MSL2: variants seen among roughly 807,000 people sequenced by gnomAD.
MSL2 encodes the protein E3 ubiquitin-protein ligase MSL2.
MSL2 carries 2 observed loss-of-function variants against 35.8 expected under a neutral mutation model. The observed-to-expected ratio is 0.06, with a 90% CI of 0.02 to 0.18. The LOEUF (loss-of-function observed/expected upper bound fraction) is 0.18. Among genes scored for constraint, MSL2 ranks in the 10% least tolerant of loss-of-function variants. The probability of loss-of-function intolerance (pLI) is 1.00; values close to 1 mark genes in which losing one functional copy is unlikely to be tolerated. For missense variants in MSL2, 523 were observed against 706.7 expected, an observed-to-expected ratio of 0.74 and a Z score of 2.95; for synonymous variants, 296 against 255.7, an observed-to-expected ratio of 1.16 and a Z score of -1.50.
chr3:136,166,062 TA>T (rs34420183), intron 1 of MSL2, among the ~76,000 whole-genome samples: 36,349 of 79,630 alleles, frequency 0.46, 7,028 homozygotes, highest in East Asian at 0.75. Context: ...TACGTACCAG[TA>T]AAAAAAAAAA....
chr3:136,183,022 A>AAT (rs1940412744), intron 1 of MSL2, among the ~76,000 whole-genome samples: 1 of 152,202 alleles, frequency 6.6e-6, no homozygotes, highest in African/African-American at 2.4e-5. Context: ...AAGCCTTGAA[A>AAT]GGATCAAACA....
At position 136,165,352 on chromosome 3, in the gene MSL2, C is replaced by T. The variant is rs567373801; in HGVS notation, c.143-12614G>A. 8.0e-4 allele frequency among the ~76,000 whole-genome samples: 122 copies of T among 152,270 alleles called. 1 individual carries two copies. The highest frequency in any genetic ancestry group is 2.9e-3 in the African/African-American group (120 of 41,556). The stretch of plus-strand genomic sequence containing the variant: ...CTAAACAAATAATGTGATATTGACC[C>T]TAAAAATATTCATTTTTGTGCCTCA... On this transcript the variant is annotated intron_variant, in intron 1 of 1. Coordinates refer to ENST00000309993, the MANE Select transcript of MSL2 (RefSeq NM_018133.4).
At chr3:136,178,310 G>A (rs891479295) in intron 1 of MSL2, among the ~76,000 whole-genome samples, 3 of 152,084 alleles carry the variant, frequency 2.0e-5, no homozygotes, top group African/African-American at 7.2e-5. Flanking sequence ...GATAATGTAG[G>A]CTGATTAATT....
chr3:136,193,502 GAAA>G (rs931248956), intron 1 of MSL2, among the ~76,000 whole-genome samples: 1 of 137,338 alleles, frequency 7.3e-6, no homozygotes, highest in Non-Finnish European at 1.6e-5. Flanking sequence ...CAAAGGAAAA[GAAA>G]AAAAAAAGTA....
At chr3:136,190,087 A>T (rs1300618575) in intron 1 of MSL2, among the ~76,000 whole-genome samples, 7 of 152,092 alleles carry the variant, frequency 4.6e-5, no homozygotes. Context: ...TCTCAAAAAT[A>T]AAAAATTACT....
rs368306125 is a variant in MSL2 at position 136,149,587 on chromosome 3, C to CAAAAAAAAAA, written c.*1550_*1559dup. 10 of 110,832 alleles carry CAAAAAAAAAA rather than the reference C, an allele frequency of 9.0e-5. No homozygotes were observed. The highest frequency in any genetic ancestry group is 1.1e-4 in the Non-Finnish European group (6 of 52,976). The allele number at this position is 110,832 out of a possible 1,614,324, so 6.9% of individuals were successfully genotyped here. On this transcript the variant is annotated 3_prime_UTR_variant, in exon 2 of 2. Transcript: ENST00000309993. ...CCACCCCCACCCCACCAAAAGAGACCAAAAAAAAAAAAAGAAAAAAAAGCC... is the reference window on the plus strand; with the variant it reads ...CCACCCCCACCCCACCAAAAGAGACCAAAAAAAAAAAAAAAAAAAAAAAGAAAAAAAAGCC...
At chr3:136,191,840 TGAAGAA>T (rs1330173519) in intron 1 of MSL2, among the ~76,000 whole-genome samples, 1 of 152,000 alleles carries the variant, frequency 6.6e-6, no homozygotes, top group Non-Finnish European at 1.5e-5. Context: ...GAAACAAACT[TGAAGAA>T]GATAAAGGCA....
chr3:136,157,298 G>A (rs1318036765), intron 1 of MSL2, among the ~76,000 whole-genome samples: 1 of 152,096 alleles, frequency 6.6e-6, no homozygotes, highest in Non-Finnish European at 1.5e-5. Context: ...CCTGAGGTCA[G>A]GAGTTCGACA....
At chr3:136,157,833 A>C (rs954907160) in intron 1 of MSL2, among the ~76,000 whole-genome samples, 1 of 152,220 alleles carries the variant, frequency 6.6e-6, no homozygotes, top group Admixed American at 6.5e-5. Context: ...CTGTAATAAA[A>C]GTTTTAAATA....
Position 136,152,719 on chromosome 3 carries a change from A to G in MSL2, c.162T>C (p.Pro54=). The change falls in exon 2 of 2, where the codon CCT becomes CCC. Residue 54 remains proline (P), a synonymous_variant. Coordinates refer to ENST00000309993, the MANE Select transcript of MSL2 (RefSeq NM_018133.4). Reference sequence around the variant, plus strand: ...GGCAGGTGGAGTTGGTGGGTGCAATAGGATCTTGTAGCAAATGTCCTAAGG... The same window carrying G: ...GGCAGGTGGAGTTGGTGGGTGCAATGGGATCTTGTAGCAAATGTCCTAAGG... ...CCVCGHLLQD[P]IAPTNSTCQH... 1.2e-6 allele frequency: 2 copies of G among 1,613,910 alleles called. No homozygotes were observed. The highest frequency in any genetic ancestry group is 1.7e-6 in the Non-Finnish European group (2 of 1,179,804).
chr3:136,187,661 C>T (rs1940561170), intron 1 of MSL2, among the ~76,000 whole-genome samples: 1 of 151,194 alleles, frequency 6.6e-6, no homozygotes, highest in African/African-American at 2.4e-5. Context: ...CAGGGCAAGA[C>T]TCCGTCTCAA....
At chr3:136,184,288 T>C (rs1255056850) in intron 1 of MSL2, among the ~76,000 whole-genome samples, 1 of 150,558 alleles carries the variant, frequency 6.6e-6, no homozygotes, top group Non-Finnish European at 1.5e-5. Context: ...AGAGTGAGAC[T>C]CCGTCTGAAA....
rs1459365974 is a variant in MSL2, at chr3:136,178,989, T to TTTC, written c.142+15982_142+15983insGAA. On this transcript the variant is annotated intron_variant, in intron 1 of 1. Transcript: ENST00000309993. ...TATTTTGTTGGTTTTCTTTTTTTTT[T>TTTC]TTTTTTTTTTTTTTAAGAGACAAGG... Among the ~76,000 whole-genome samples, 994 of 146,626 alleles carry TTTC rather than the reference T, an allele frequency of 6.8e-3. 14 individuals carry two copies. The highest frequency in any genetic ancestry group is 0.024 in the African/African-American group (940 of 39,542).
intron 1 of MSL2, among the ~76,000 whole-genome samples, chr3:136,154,686 C>A (rs1021147373): frequency 6.6e-6 from 1 of 152,118 alleles, no homozygotes; most frequent in African/African-American, 2.4e-5. Flanking sequence ...AATGAAAACA[C>A]CACATATCAA....
intron 1 of MSL2, among the ~76,000 whole-genome samples, chr3:136,177,156 TAACA>T (rs1366867262): frequency 2.6e-5 from 4 of 152,192 alleles, no homozygotes; most frequent in Non-Finnish European, 2.9e-5. Flanking sequence ...TGAATCTAAA[TAACA>T]AACTAAGGTT....
chr3:136,187,463 G>T (rs939757229), intron 1 of MSL2, among the ~76,000 whole-genome samples: 1 of 151,948 alleles, frequency 6.6e-6, no homozygotes, highest in African/African-American at 2.4e-5. Flanking sequence ...AGGAGTTCAA[G>T]ACCAGCCTGG....
At position 136,151,170 on chromosome 3, in the gene MSL2, T is replaced by C. The variant is rs1277309986; in HGVS notation, c.1711A>G (p.Ile571Val). 2.5e-6 allele frequency: 4 copies of C among 1,613,926 alleles called. No individual in the cohort carries two copies. Among genetic ancestry groups the C allele is most frequent in the East Asian group, 4.5e-5 (2 of 44,876 alleles). ...ATTTAACAGTCGAATCTCATGTCTA[T>C]AGCTTCATCCAAACTTTTATCATCA... is the stretch of plus-strand genomic sequence containing the variant. ...THDDKSLDEA[I>V]DMRFDC Residue 571 changes from isoleucine to valine, a missense_variant, in exon 2 of 2, where the codon ATA (isoleucine) becomes GTA (valine). By Grantham distance (29) the Ile-to-Val change is conservative. Transcript: ENST00000309993. This position sits in a 1 kb window ranked among gnomAD's most constrained non-coding sequence, Gnocchi z 5.2.
chr3:136,191,592 C>G (rs1001805777), intron 1 of MSL2, among the ~76,000 whole-genome samples: 1 of 152,088 alleles, frequency 6.6e-6, no homozygotes, highest in African/African-American at 2.4e-5. Context: ...CCTGCCTGGG[C>G]AACACGGTAA....
chr3:136,158,207 G>A (rs563971686), intron 1 of MSL2, among the ~76,000 whole-genome samples: 1 of 151,984 alleles, frequency 6.6e-6, no homozygotes, highest in South Asian at 2.1e-4. Flanking sequence ...AGCTACTCAG[G>A]AGGCTGAGGC....
Sources: gnomAD v4.1 joint callset for allele counts (sites outside exome capture counted in the v4.1 genomes callset) on GRCh38, gnomAD v4.1.1 for gene constraint, Gnocchi (gnomAD v3.1) non-coding constraint, MANE v1.5 for transcripts, NCBI Gene and HGNC (gene_info 2026-07-23, HGNC 2026-07-21) for gene names.